The following HPSE2 variants were observed in gnomAD, a reference collection of about 807,000 sequenced individuals.
HPSE2 encodes inactive heparanase-2.
A neutral mutation model predicts 60.5 loss-of-function variants in HPSE2; 38 were observed. The ratio of observed to expected loss-of-function variants is 0.63; its 90% confidence interval spans 0.48 to 0.82. The LOEUF (loss-of-function observed/expected upper bound fraction) is 0.82. HPSE2 is among the 40% of genes least tolerant of loss of function. The pLI is 0.00. For synonymous variants in HPSE2, 295 were observed against 293.2 expected, an observed-to-expected ratio of 1.01 and a Z score of -0.06; for missense variants, 713 against 740.4, an observed-to-expected ratio of 0.96 and a Z score of 0.43.
In HPSE2 at chr10:99,227,170, GAA is replaced by G. The variant is rs1338637570; in HGVS notation, c.448+5176_448+5177del. The stretch of plus-strand genomic sequence containing the variant: ...TTCATCTGTGGAAAAGCTTCCTAGA[GAA>G]AAGAGAATAATAATAGTTATACAGT... On this transcript the variant is annotated intron_variant, in intron 2 of 11. Transcript: ENST00000370552. Among the ~76,000 whole-genome samples the G allele has an allele frequency of 2.0e-5, 3 of 152,138 alleles. No homozygotes were observed. The East Asian group carries it at 5.8e-4, about 29-fold the overall frequency.
intron 9 of HPSE2, among the ~76,000 whole-genome samples, chr10:98,522,229 G>A (rs781398964): frequency 4.0e-5 from 6 of 150,968 alleles, no homozygotes; most frequent in Non-Finnish European, 7.4e-5. Flanking sequence ...ATTAGGGTTT[G>A]TAAACAAAAT....
At chr10:98,663,808 G>C (rs1947288150) in intron 6 of HPSE2, among the ~76,000 whole-genome samples, 1 of 152,166 alleles carries the variant, frequency 6.6e-6, no homozygotes, top group Non-Finnish European at 1.5e-5. Flanking sequence ...TCCTTGAGCA[G>C]CCTGGCACCA....
intron 9 of HPSE2, among the ~76,000 whole-genome samples, chr10:98,510,216 A>G (rs926762321): frequency 6.6e-6 from 1 of 151,978 alleles, no homozygotes; most frequent in African/African-American, 2.4e-5. Flanking sequence ...CAGGCTTCCT[A>G]TTTCCAACAC....
At chr10:98,879,868 T>TGG (rs1952975481) in intron 3 of HPSE2, among the ~76,000 whole-genome samples, 1 of 151,320 alleles carries the variant, frequency 6.6e-6, no homozygotes, top group Admixed American at 6.6e-5. Context: ...TGTGTGTGTG[T>TGG]GTGTGTGTGT....
chr10:98,722,099 G>A (rs1362652632), intron 4 of HPSE2, among the ~76,000 whole-genome samples: 1 of 150,662 alleles, frequency 6.6e-6, no homozygotes, highest in Non-Finnish European at 1.5e-5. Context: ...ACTTCATAAC[G>A]AATTGTATAC....
chr10:98,957,335 G>A (rs887885185), intron 3 of HPSE2, among the ~76,000 whole-genome samples: 2 of 152,134 alleles, frequency 1.3e-5, no homozygotes, highest in African/African-American at 4.8e-5. Flanking sequence ...CTGAGAAACT[G>A]GCTTTGTCAG....
At chr10:98,974,207 C>T (rs375217449) in intron 3 of HPSE2, among the ~76,000 whole-genome samples, 17 of 151,884 alleles carry the variant, frequency 1.1e-4, no homozygotes, top group African/African-American at 3.6e-4. Context: ...GAGAATTGCT[C>T]GAACCCAGGA....
At chr10:99,085,912 C>A (rs79447750) in intron 3 of HPSE2, among the ~76,000 whole-genome samples, 2,473 of 152,262 alleles carry the variant, frequency 0.016, 93 homozygotes, top group East Asian at 0.14. Context: ...CCATCTAATT[C>A]TTTGTTCAGG....
chr10:99,033,981 A>C (rs1410076476), intron 3 of HPSE2, among the ~76,000 whole-genome samples: 1 of 152,180 alleles, frequency 6.6e-6, no homozygotes, highest in Non-Finnish European at 1.5e-5. Context: ...AGTAGAGTGA[A>C]TCAAATGCAA....
At chr10:98,713,229 C>T (rs1420334671) in intron 5 of HPSE2, among the ~76,000 whole-genome samples, 2 of 151,936 alleles carry the variant, frequency 1.3e-5, no homozygotes, top group African/African-American at 4.8e-5. Flanking sequence ...TAAAGCCCTG[C>T]AGGCCATGGT....
the HPSE2 span, among the ~76,000 whole-genome samples, chr10:99,255,423 A>T: frequency 6.6e-6 from 1 of 152,202 alleles, no homozygotes; most frequent in African/African-American, 2.4e-5. Flanking sequence ...AGAAAAAAAT[A>T]AAACTACTGA....
At chr10:98,550,780 AT>A (rs905479034) in intron 9 of HPSE2, among the ~76,000 whole-genome samples, 5 of 144,930 alleles carry the variant, frequency 3.4e-5, no homozygotes, top group South Asian at 2.2e-4. Flanking sequence ...GGCCTCTTAA[AT>A]TTTTTTTTGT....
At chr10:99,206,284 A>C (rs535561035) in intron 2 of HPSE2, among the ~76,000 whole-genome samples, 3 of 152,316 alleles carry the variant, frequency 2.0e-5, no homozygotes, top group East Asian at 1.9e-4. Flanking sequence ...GAAGGCTATT[A>C]GTACTTATGT....
At chr10:98,986,032 C>G (rs1021635792) in intron 3 of HPSE2, among the ~76,000 whole-genome samples, 4 of 152,102 alleles carry the variant, frequency 2.6e-5, no homozygotes, top group African/African-American at 9.7e-5. Flanking sequence ...GACTCCCACA[C>G]AATAATAATG....
chr10:98,537,800 G>A (rs1943333470), intron 9 of HPSE2, among the ~76,000 whole-genome samples: 1 of 152,216 alleles, frequency 6.6e-6, no homozygotes, highest in East Asian at 1.9e-4. Context: ...ATCCAGGCCT[G>A]CCTGCAGTCA....
In HPSE2 at chr10:98,721,783, C is replaced by T. The variant is rs1396967592; in HGVS notation, c.830G>A (p.Ser277Asn). ...RTMHGRAVNG[S>N]QLGKDYIQLK... is the part of the protein sequence containing the mutation. ...CTGGATGTAATCCTTTCCCAACTGGCTGCCATTTACTGCCCGGCCATGCAT... is the reference window on the plus strand; with the variant it reads ...CTGGATGTAATCCTTTCCCAACTGGTTGCCATTTACTGCCCGGCCATGCAT... The change falls in exon 5 of 12, where the codon AGC (serine) becomes AAC (asparagine). Residue 277 changes from serine to asparagine, a missense_variant. Transcript: ENST00000370552. 4 of 1,613,604 alleles carry T rather than the reference C, an allele frequency of 2.5e-6. No homozygotes were observed. Among genetic ancestry groups the T allele is most frequent in the Non-Finnish European group, 3.4e-6 (4 of 1,179,846 alleles).
At position 98,461,814 on chromosome 10, in the gene HPSE2, T is replaced by C. The variant is rs981090572; in HGVS notation, c.1614-2075A>G. 7 of 1,595,162 alleles carry C rather than the reference T, an allele frequency of 4.4e-6. 1 individual carries two copies. In the Admixed American group the frequency reaches 1.2e-4, roughly 28 times the overall value. On this transcript the variant is annotated intron_variant, in intron 11 of 11. Transcript: ENST00000370552. ...GATGATCCCACAGTATTGACATCTTTGGGTTCTGGGGAGTGCAAAACAACG... is the reference window on the plus strand; with the variant it reads ...GATGATCCCACAGTATTGACATCTTCGGGTTCTGGGGAGTGCAAAACAACG...
chr10:99,081,491 G>A (rs561887623), intron 3 of HPSE2, among the ~76,000 whole-genome samples: 3 of 152,018 alleles, frequency 2.0e-5, no homozygotes, highest in Middle Eastern at 3.4e-3. Flanking sequence ...TAAAAATAAT[G>A]TCTTTAAAGC....
At chr10:98,760,268 G>A (rs1279356077) in intron 3 of HPSE2, among the ~76,000 whole-genome samples, 3 of 151,806 alleles carry the variant, frequency 2.0e-5, no homozygotes, top group African/African-American at 7.2e-5. Context: ...ATTTGTTTAT[G>A]ATTTAGCCTT....
Sources: gnomAD v4.1 joint callset for allele counts (sites outside exome capture counted in the v4.1 genomes callset) on GRCh38, gnomAD v4.1.1 for gene constraint, MANE v1.5 for transcripts, NCBI Gene and HGNC (gene_info 2026-07-23, HGNC 2026-07-21) for gene names.